The following LY96 variants were observed in gnomAD, a reference collection of about 807,000 sequenced individuals.
LY96 encodes lymphocyte antigen 96, also known as myeloid differentiation protein-2.
In LY96, 18 loss-of-function variants were observed where a neutral mutation model predicts 18.9. The observed-to-expected ratio is 0.95, with a 90% CI of 0.66 to 1.41. LY96 has a LOEUF of 1.41. Among genes scored for constraint, LY96 ranks in the 40% most tolerant of loss-of-function variants. The probability of loss-of-function intolerance (pLI) is 0.00; values close to 1 mark genes in which losing one functional copy is unlikely to be tolerated. For missense variants in LY96, 175 were observed against 182.4 expected, an observed-to-expected ratio of 0.96 and a Z score of 0.23; for synonymous variants, 66 against 62.6, an observed-to-expected ratio of 1.06 and a Z score of -0.26.
intron 3 of LY96, among the ~76,000 whole-genome samples, chr8:74,019,345 A>T (rs530444276): frequency 5.9e-5 from 9 of 152,360 alleles, no homozygotes; most frequent in African/African-American, 1.4e-4. Context: ...TCCTGGACAC[A>T]TACACCCTCC....
chr8:74,089,123 A>T, the LY96 span, among the ~76,000 whole-genome samples: 2 of 152,168 alleles, frequency 1.3e-5, no homozygotes, highest in Non-Finnish European at 2.9e-5. Context: ...AACCTCTCAT[A>T]TACCTCAGGG....
intron 3 of LY96, among the ~76,000 whole-genome samples, chr8:74,011,191 A>G (rs765248527): frequency 1.3e-4 from 20 of 152,220 alleles, no homozygotes; most frequent in Non-Finnish European, 2.2e-4. Flanking sequence ...ATGCAGAAGA[A>G]TAAAACTGGA....
downstream of LY96, among the ~76,000 whole-genome samples, chr8:74,029,535 T>C (rs997383586): frequency 6.6e-6 from 1 of 152,188 alleles, no homozygotes; most frequent in African/African-American, 2.4e-5. Context: ...CCACCCCTTT[T>C]GCTCTGCACT....
At chr8:74,019,951 C>CAGCTATTTATGACAA (rs2131278393) in intron 3 of LY96, among the ~76,000 whole-genome samples, 1 of 152,268 alleles carries the variant, frequency 6.6e-6, no homozygotes, top group East Asian at 1.9e-4. Context: ...ATGACAAACC[C>CAGCTATTTATGACAA]ACAGCCAATA....
the LY96 span, among the ~76,000 whole-genome samples, chr8:74,071,928 C>T: frequency 6.6e-6 from 1 of 151,976 alleles, no homozygotes; most frequent in African/African-American, 2.4e-5. Context: ...TGTTGATGTC[C>T]GTTTGAGTTG....
chr8:74,094,255 ATGTG>A, the LY96 span, among the ~76,000 whole-genome samples: 3 of 149,744 alleles, frequency 2.0e-5, no homozygotes. Flanking sequence ...GGGTGTGTGT[ATGTG>A]TGTGTGTGTG....
the LY96 span, among the ~76,000 whole-genome samples, chr8:74,083,557 A>G: frequency 6.6e-6 from 1 of 152,266 alleles, no homozygotes; most frequent in African/African-American, 2.4e-5. Context: ...ATTATTGGCA[A>G]TTCCTTAATA....
At chr8:74,017,774 A>G (rs1014369463) in intron 3 of LY96, among the ~76,000 whole-genome samples, 9 of 152,216 alleles carry the variant, frequency 5.9e-5, no homozygotes, top group African/African-American at 1.4e-4. Flanking sequence ...AGAATTTTCA[A>G]CCCAGAATTT....
chr8:74,088,129 A>AATGGAATGGAATGGAATGGAATG, the LY96 span, among the ~76,000 whole-genome samples: 4 of 151,006 alleles, frequency 2.6e-5, no homozygotes, highest in African/African-American at 9.9e-5. Flanking sequence ...AGAATAGAAT[A>AATGGAATGGAATGGAATGGAATG]GAATAGAATA....
intron 3 of LY96, among the ~76,000 whole-genome samples, chr8:74,011,911 A>C (rs1229242166): frequency 6.6e-6 from 1 of 152,066 alleles, no homozygotes; most frequent in East Asian, 1.9e-4. Context: ...ACTTATAGAT[A>C]CTTTTCAAAA....
intron 1 of LY96, among the ~76,000 whole-genome samples, chr8:74,002,949 A>G (rs1342483874): frequency 6.6e-6 from 1 of 152,168 alleles, no homozygotes; most frequent in African/African-American, 2.4e-5. Context: ...GCATTCATGT[A>G]TTGTTCTCTT....
intron 1 of LY96, among the ~76,000 whole-genome samples, chr8:73,999,819 A>G (rs1300333385): frequency 6.6e-6 from 1 of 152,186 alleles, no homozygotes; most frequent in Non-Finnish European, 1.5e-5. Flanking sequence ...ATGTCCAGCC[A>G]GCTCTAACAA....
chr8:74,047,211 T>C, the LY96 span, among the ~76,000 whole-genome samples: 3 of 152,198 alleles, frequency 2.0e-5, no homozygotes, highest in Non-Finnish European at 4.4e-5. Flanking sequence ...TCTACATGGA[T>C]TTTCTACATA....
At chr8:74,053,152 G>A in the LY96 span, among the ~76,000 whole-genome samples, 11 of 152,262 alleles carry the variant, frequency 7.2e-5, no homozygotes, top group East Asian at 1.9e-4. Context: ...AGCTAGGAAG[G>A]TGGGCATGAG....
At chr8:74,057,137 T>C in the LY96 span, among the ~76,000 whole-genome samples, 13 of 152,302 alleles carry the variant, frequency 8.5e-5, no homozygotes, top group South Asian at 2.1e-4. Context: ...TTCAGCTTCT[T>C]GAAGATTAAA....
Position 74,004,870 on chromosome 8 carries a change from A to G in LY96, c.187A>G (p.Ile63Val), listed in dbSNP as rs1263016408. 3 of 1,591,542 alleles carry G rather than the reference A, an allele frequency of 1.9e-6. No homozygotes were observed. In the Admixed American group the frequency reaches 5.0e-5, roughly 27 times the overall value. Residue 63 changes from isoleucine (I) to valine (V), a missense_variant, in exon 2 of 5, where the codon ATT becomes GTT. Coordinates refer to ENST00000284818, the MANE Select transcript of LY96 (RefSeq NM_015364.5). ...ELKRSKGLLH[I>V]FYIPRRDLKQ... ...GAAAAGATCCAAAGGATTATTGCACATTTTCTACATTCCAAGTAAGTTCAA... is the reference window on the plus strand; with the variant it reads ...GAAAAGATCCAAAGGATTATTGCACGTTTTCTACATTCCAAGTAAGTTCAA...
intron 3 of LY96, among the ~76,000 whole-genome samples, chr8:74,011,452 T>A (rs1206875616): frequency 2.0e-5 from 3 of 152,188 alleles, no homozygotes; most frequent in African/African-American, 7.2e-5. Context: ...AGACAACCTG[T>A]AGTATATGAG....
the LY96 span, among the ~76,000 whole-genome samples, chr8:74,068,089 A>AAT: frequency 0.036 from 2,414 of 67,594 alleles, 248 homozygotes; most frequent in East Asian, 0.047. Context: ...AAAAAAAAAA[A>AAT]ATATATATAT....
chr8:74,012,760 T>G (rs1231202295), intron 3 of LY96, among the ~76,000 whole-genome samples: 2 of 152,262 alleles, frequency 1.3e-5, no homozygotes, highest in East Asian at 3.9e-4. Context: ...TGTAAATTGA[T>G]TATAGGTATG....
Sources: allele counts gnomAD v4.1 joint callset (sites outside exome capture counted in the v4.1 genomes callset), GRCh38; gene constraint gnomAD v4.1.1; transcripts MANE v1.5; gene names NCBI Gene and HGNC (gene_info 2026-07-23, HGNC 2026-07-21).